The following SLC30A8 variants were observed in gnomAD, a reference collection of about 807,000 sequenced individuals.
SLC30A8 encodes the protein solute carrier family 30 member 8.
SLC30A8 carries 27 observed loss-of-function variants against 36.9 expected under a neutral mutation model. The observed-to-expected ratio is 0.73, with a 90% CI of 0.54 to 1.01. SLC30A8 has a LOEUF of 1.01. Ranked by LOEUF, SLC30A8 falls within the 50% of genes least tolerant of loss-of-function variation. SLC30A8 has a pLI of 0.00. For missense variants in SLC30A8, 439 were observed against 452.0 expected, an observed-to-expected ratio of 0.97 and a Z score of 0.26; for synonymous variants, 164 against 172.4, an observed-to-expected ratio of 0.95 and a Z score of 0.38.
intron 2 of SLC30A8, among the ~76,000 whole-genome samples, chr8:117,081,778 C>A (rs920752424): frequency 1.3e-5 from 2 of 152,156 alleles, no homozygotes; most frequent in Non-Finnish European, 2.9e-5. Flanking sequence ...CTTCCAATTT[C>A]AAAAATTGTC....
chr8:116,953,890 A>G (rs527588341), intron 1 of SLC30A8, among the ~76,000 whole-genome samples: 3 of 152,282 alleles, frequency 2.0e-5, no homozygotes, highest in Non-Finnish European at 4.4e-5. Context: ...ATGAGATTTA[A>G]GTAGAGGATT....
At chr8:117,094,464 C>T (rs551386460) in intron 2 of SLC30A8, among the ~76,000 whole-genome samples, 141 of 152,318 alleles carry the variant, frequency 9.3e-4, no homozygotes, top group Non-Finnish European at 1.5e-3. Flanking sequence ...CCGCTCCTCT[C>T]TGCAGGCAGT....
At chr8:117,067,350 T>C (rs1047450857) in intron 2 of SLC30A8, among the ~76,000 whole-genome samples, 5 of 151,928 alleles carry the variant, frequency 3.3e-5, no homozygotes, top group Non-Finnish European at 7.4e-5. Flanking sequence ...GGGCTGTTCT[T>C]TTTCGTTTTT....
chr8:117,075,437 A>G (rs911869915), intron 2 of SLC30A8, among the ~76,000 whole-genome samples: 12 of 152,172 alleles, frequency 7.9e-5, no homozygotes, highest in Non-Finnish European at 1.2e-4. Context: ...AGCTTCTTCC[A>G]TATTTTTATA....
intron 1 of SLC30A8, among the ~76,000 whole-genome samples, chr8:117,140,766 TAAAG>T (rs966974657): frequency 4.5e-4 from 68 of 152,130 alleles, no homozygotes; most frequent in Non-Finnish European, 7.4e-4. Context: ...GAAGAAATAT[TAAAG>T]AAAACAAATG....
chr8:117,126,822 C>G (rs1039499066), intron 2 of SLC30A8, among the ~76,000 whole-genome samples: 2 of 152,026 alleles, frequency 1.3e-5, no homozygotes, highest in Non-Finnish European at 2.9e-5. Flanking sequence ...CTCGAAATAG[C>G]TGAGCTCACT....
intron 2 of SLC30A8, among the ~76,000 whole-genome samples, chr8:117,116,120 G>C (rs1205457697): frequency 2.0e-5 from 3 of 152,034 alleles, no homozygotes; most frequent in African/African-American, 7.2e-5. Context: ...AATAGGACCA[G>C]TGTGGTTGGA....
intron 1 of SLC30A8, among the ~76,000 whole-genome samples, chr8:116,972,970 G>A (rs746540719): frequency 1.3e-5 from 2 of 152,250 alleles, no homozygotes; most frequent in African/African-American, 2.4e-5. Flanking sequence ...AACCATCCCC[G>A]ATCTGAGGAT....
intron 1 of SLC30A8, among the ~76,000 whole-genome samples, chr8:116,978,128 CA>C (rs1298194574): frequency 6.6e-6 from 1 of 152,034 alleles, no homozygotes; most frequent in Non-Finnish European, 1.5e-5. Context: ...TTTTTCAAAC[CA>C]GTATAGCCTA....
intron 1 of SLC30A8, among the ~76,000 whole-genome samples, chr8:117,028,550 G>T (rs1199674108): frequency 6.9e-6 from 1 of 144,222 alleles, no homozygotes; most frequent in Non-Finnish European, 1.5e-5. Context: ...TCTCACCACA[G>T]TTTTTTTTTT....
chr8:117,162,023 G>T (rs1021610471), intron 5 of SLC30A8, 135 bp downstream of exon 5: 19 of 662,624 alleles, frequency 2.9e-5, no homozygotes, highest in Non-Finnish European at 4.1e-5. Flanking sequence ...GCTAAAGCAA[G>T]CAAACACTCA....
chr8:116,966,354 C>A (rs1036327832), intron 1 of SLC30A8, among the ~76,000 whole-genome samples: 1 of 152,044 alleles, frequency 6.6e-6, no homozygotes, highest in East Asian at 1.9e-4. Flanking sequence ...ATATGCGACC[C>A]GTAGATATCT....
At chr8:117,061,066 T>C (rs1910895) in intron 2 of SLC30A8, among the ~76,000 whole-genome samples, 49,121 of 152,076 alleles carry the variant, frequency 0.32, 8,711 homozygotes, top group African/African-American at 0.48. Context: ...CTCATTTGCT[T>C]GGACAGAAAA....
At chr8:116,967,433 C>T (rs577193037) in intron 1 of SLC30A8, among the ~76,000 whole-genome samples, 167 of 152,214 alleles carry the variant, frequency 1.1e-3, no homozygotes, top group African/African-American at 3.7e-3. Flanking sequence ...CCACGTTGCC[C>T]TGAAGATTGT....
chr8:117,120,019 T>C lies in SLC30A8; in HGVS notation c.-225-15261T>C, dbSNP rs1306571379. Among the ~76,000 whole-genome samples the C allele has an allele frequency of 1.3e-5, 2 of 151,880 alleles. 1 individual carries two copies. Among genetic ancestry groups the C allele is most frequent in the Non-Finnish European group, 2.9e-5 (2 of 67,904 alleles). On this transcript the variant is annotated intron_variant, in intron 2 of 10. Coordinates refer to the SLC30A8 transcript ENST00000427715. ...TCTTGTGCTCATAAATTGGAAGACT[T>C]AATATTGTTCAAATGTGCACACTAC...
intron 2 of SLC30A8, among the ~76,000 whole-genome samples, chr8:117,090,485 G>A (rs773735754): frequency 3.9e-5 from 6 of 152,160 alleles, no homozygotes; most frequent in Non-Finnish European, 8.8e-5. Context: ...GAAAGTCCTG[G>A]ATCAAAGCAC....
intron 1 of SLC30A8, among the ~76,000 whole-genome samples, chr8:116,994,141 C>T (rs948237429): frequency 6.6e-6 from 1 of 151,946 alleles, no homozygotes; most frequent in African/African-American, 2.4e-5. Context: ...AAAACCACTT[C>T]ACAGAAATGA....
chr8:116,968,176 A>C (rs900895100), intron 1 of SLC30A8, among the ~76,000 whole-genome samples: 1 of 152,320 alleles, frequency 6.6e-6, no homozygotes, highest in East Asian at 1.9e-4. Flanking sequence ...ACTTGGCCTC[A>C]GGAGATGGTA....
chr8:117,068,403 T>C (rs1220882358), intron 2 of SLC30A8, among the ~76,000 whole-genome samples: 1 of 152,170 alleles, frequency 6.6e-6, no homozygotes, highest in Non-Finnish European at 1.5e-5. Flanking sequence ...AAAACAAGGA[T>C]GATTATGACT....
Sources: gnomAD v4.1 joint callset for allele counts (sites outside exome capture counted in the v4.1 genomes callset) on GRCh38, gnomAD v4.1.1 for gene constraint, MANE v1.5 for transcripts, NCBI Gene and HGNC (gene_info 2026-07-23, HGNC 2026-07-21) for gene names.